Variants in NECAB1 observed in about 807,000 individuals in gnomAD.
The protein encoded by NECAB1 is N-terminal EF-hand calcium binding protein 1.
A neutral mutation model predicts 57.5 loss-of-function variants in NECAB1; 29 were observed. The observed-to-expected ratio is 0.50, with a 90% confidence interval of 0.38 to 0.69. The LOEUF (loss-of-function observed/expected upper bound fraction) is 0.69. NECAB1 is among the 30% of genes least tolerant of loss of function. The probability of loss-of-function intolerance (pLI) is 0.00; values close to 1 mark genes in which losing one functional copy is unlikely to be tolerated. For missense variants in NECAB1, 372 were observed against 413.8 expected (o/e 0.90, Z 0.88); for synonymous variants, 142 against 147.7 (o/e 0.96, Z 0.28).
At chr8:90,827,111 C>G (rs951702899) in intron 3 of NECAB1, among the ~76,000 whole-genome samples, 1 of 151,962 alleles carries the variant, frequency 6.6e-6, no homozygotes, top group Non-Finnish European at 1.5e-5. Flanking sequence ...ATATTTGAAG[C>G]AACTGATAAC....
intron 2 of NECAB1, among the ~76,000 whole-genome samples, chr8:90,803,326 A>G (rs1419551575): frequency 6.6e-6 from 1 of 152,190 alleles, no homozygotes; most frequent in East Asian, 1.9e-4. Flanking sequence ...ACCTGTCTCT[A>G]TGCCACCTGC....
intron 3 of NECAB1, among the ~76,000 whole-genome samples, chr8:90,853,584 C>T (rs1357768198): frequency 2.0e-5 from 3 of 152,090 alleles, no homozygotes; most frequent in African/African-American, 7.2e-5. Context: ...TATTAGTGAG[C>T]TCCATTAGCA....
Position 90,928,241 on chromosome 8 carries a change from A to C in NECAB1, c.635A>C (p.Asn212Thr). ...GCCCCAGGCTTATTAGAAGAAGACA[A>C]CCAGTGGATGACCCAGATAAATAGA... ...VSGPGLLEED[N>T]QWMTQINRLQ... Residue 212 changes from asparagine to threonine, a missense_variant, in exon 8 of 13, where the codon AAC becomes ACC. By Grantham distance (65) the Asn-to-Thr change is moderately conservative. Coordinates refer to ENST00000417640, the MANE Select transcript of NECAB1 (RefSeq NM_022351.5). 1 of 1,609,826 alleles carries C rather than the reference A, an allele frequency of 6.2e-7. No individual in the cohort carries two copies. The highest frequency in any genetic ancestry group is 8.5e-7 in the Non-Finnish European group (1 of 1,177,914).
At position 90,922,853 on chromosome 8, in the gene NECAB1, T is replaced by C. The variant is rs112914726; in HGVS notation, c.495-2682T>C. ...ATAGGGAGATTTAGTTAAAGATTGA[T>C]GATTAAATGTATGATTTCTTTTGCT... On this transcript the variant is annotated intron_variant, in intron 6 of 12. Transcript: ENST00000417640. 9.1e-3 allele frequency among the ~76,000 whole-genome samples: 1,380 copies of C among 152,212 alleles called. 20 individuals are homozygous for C. Among genetic ancestry groups the C allele is most frequent in the African/African-American group, 0.031 (1,290 of 41,524 alleles).
rs537703265 is a variant in NECAB1, at chr8:90,850,262, C to T, written c.234-21866C>T. Among the ~76,000 whole-genome samples the T allele has an allele frequency of 9.1e-4, 139 of 152,262 alleles. No homozygotes were observed. In the South Asian group the frequency reaches 0.014, roughly 15 times the overall value. ...TTTTCATAAATGAAATGATTTAACA[C>T]GACTGATGAAGTTGCTGTGGAAGAA... On this transcript the variant is annotated intron_variant, in intron 3 of 12. Coordinates refer to ENST00000417640, the MANE Select transcript of NECAB1 (RefSeq NM_022351.5).
chr8:90,835,091 A>G (rs1017460436), intron 3 of NECAB1, among the ~76,000 whole-genome samples: 3 of 151,116 alleles, frequency 2.0e-5, no homozygotes, highest in Non-Finnish European at 4.4e-5. Context: ...CAGCCCCTAT[A>G]TTATTTACAA....
At chr8:90,878,642 T>C (rs1189270615) in intron 4 of NECAB1, among the ~76,000 whole-genome samples, 1 of 152,130 alleles carries the variant, frequency 6.6e-6, no homozygotes, top group Non-Finnish European at 1.5e-5. Context: ...TTCTTTACTA[T>C]CTAGTGATTG....
intron 3 of NECAB1, among the ~76,000 whole-genome samples, chr8:90,834,640 G>A (rs1245100560): frequency 2.6e-5 from 4 of 152,060 alleles, no homozygotes; most frequent in Admixed American, 2.6e-4. Context: ...TGTTAGAGAA[G>A]CCCAAAAGGA....
chr8:90,929,796 AGAG>A (rs139028579), intron 8 of NECAB1, among the ~76,000 whole-genome samples: 2,604 of 152,356 alleles, frequency 0.017, 70 homozygotes, highest in East Asian at 0.14. Context: ...AAATTTCAGT[AGAG>A]GATAGCTGGA....
chr8:90,920,435 C>T (rs1810078484), intron 6 of NECAB1, among the ~76,000 whole-genome samples: 1 of 152,174 alleles, frequency 6.6e-6, no homozygotes, highest in Non-Finnish European at 1.5e-5. Flanking sequence ...GCCCTGGGAC[C>T]TTCATCAGTG....
chr8:90,928,125 T>C (rs1454022678), intron 7 of NECAB1, 98 bp from the exon 8 acceptor site: 1 of 890,406 alleles, frequency 1.1e-6, no homozygotes, highest in Admixed American at 2.4e-5. Context: ...TGACACTGCA[T>C]CTTTCCTTCA....
At chr8:90,811,457 C>T (rs1406606840) in intron 2 of NECAB1, among the ~76,000 whole-genome samples, 1 of 152,134 alleles carries the variant, frequency 6.6e-6, no homozygotes, top group Non-Finnish European at 1.5e-5. Context: ...CTTATGGACT[C>T]ATTGTCCTCA....
chr8:90,798,715 T>C (rs1373052607), intron 1 of NECAB1, among the ~76,000 whole-genome samples: 1 of 152,202 alleles, frequency 6.6e-6, no homozygotes, highest in Admixed American at 6.5e-5. Flanking sequence ...GGCACTTAAG[T>C]TGATTTAGTA....
In NECAB1 at chr8:90,916,266, A is replaced by C. The variant is rs1809949162; in HGVS notation, c.358-1226A>C. Reference sequence around the variant, plus strand: ...CTATTACATTATTCTTCTATTAGAAAAACTTCCAAAGTAAACTATATCAGG... The same window carrying C: ...CTATTACATTATTCTTCTATTAGAACAACTTCCAAAGTAAACTATATCAGG... On this transcript the variant is annotated intron_variant, in intron 5 of 12. Transcript: ENST00000417640. Among the ~76,000 whole-genome samples, 7 of 152,234 alleles carry C rather than the reference A, an allele frequency of 4.6e-5. No homozygotes were observed. In the South Asian group the frequency reaches 1.4e-3, roughly 32 times the overall value.
chr8:90,866,411 C>T (rs1808514109), intron 3 of NECAB1, among the ~76,000 whole-genome samples: 2 of 152,108 alleles, frequency 1.3e-5, no homozygotes, highest in African/African-American at 4.8e-5. Flanking sequence ...CACTTTTAGG[C>T]TATTAAGGGG....
intron 3 of NECAB1, among the ~76,000 whole-genome samples, chr8:90,835,172 A>G (rs982188836): frequency 3.5e-4 from 53 of 152,182 alleles, no homozygotes; most frequent in African/African-American, 1.2e-3. Context: ...GGCAGAGGCC[A>G]TAACTATCTT....
intron 2 of NECAB1, among the ~76,000 whole-genome samples, chr8:90,822,377 T>C (rs1458117192): frequency 6.6e-6 from 1 of 151,940 alleles, no homozygotes; most frequent in Non-Finnish European, 1.5e-5. Flanking sequence ...CAAAAGTAAC[T>C]CTTTGCAATT....
chr8:90,803,096 C>T (rs1811788663), intron 2 of NECAB1, among the ~76,000 whole-genome samples: 1 of 152,126 alleles, frequency 6.6e-6, no homozygotes, highest in Admixed American at 6.5e-5. Context: ...AGTGTTTCAC[C>T]ATGTTGGCCA....
At chr8:90,934,931 A>C (rs1332522511) in intron 9 of NECAB1, among the ~76,000 whole-genome samples, 2 of 152,202 alleles carry the variant, frequency 1.3e-5, no homozygotes, top group Non-Finnish European at 2.9e-5. Context: ...TGCAACAAAA[A>C]GAAGTTAGCA....
Sources: gnomAD v4.1 joint callset for allele counts (sites outside exome capture counted in the v4.1 genomes callset) on GRCh38, gnomAD v4.1.1 for gene constraint, MANE v1.5 for transcripts, NCBI Gene and HGNC (gene_info 2026-07-23, HGNC 2026-07-21) for gene names.